LRRC4C: variants seen among roughly 807,000 people sequenced by gnomAD.
LRRC4C encodes leucine rich repeat containing 4C.
LRRC4C carries 5 observed loss-of-function variants against 33.6 expected under a neutral mutation model. The observed-to-expected ratio is 0.15, with a 90% CI of 0.08 to 0.31. The LOEUF (loss-of-function observed/expected upper bound fraction) is 0.31. LRRC4C is among the 10% of genes least tolerant of loss of function. The probability of loss-of-function intolerance (pLI) is 1.00; values close to 1 mark genes in which losing one functional copy is unlikely to be tolerated. For synonymous variants in LRRC4C, 329 were observed against 302.0 expected (o/e 1.09, Z -0.93); for missense variants, 560 against 796.7 (o/e 0.70, Z 3.58).
At chr11:40,392,878 G>A (rs1290682557) in intron 3 of LRRC4C, among the ~76,000 whole-genome samples, 2 of 151,858 alleles carry the variant, frequency 1.3e-5, no homozygotes, top group South Asian at 2.1e-4. Flanking sequence ...GAGTGCTCGC[G>A]AAATGCCCCG....
chr11:40,586,466 C>T (rs377537362), intron 3 of LRRC4C, among the ~76,000 whole-genome samples: 1 of 148,884 alleles, frequency 6.7e-6, no homozygotes, highest in Admixed American at 6.7e-5. Flanking sequence ...TGTGCAGAAG[C>T]TCTTTAGTTT....
chr11:40,670,157 A>C (rs1478511686), intron 2 of LRRC4C, among the ~76,000 whole-genome samples: 1 of 152,230 alleles, frequency 6.6e-6, no homozygotes, highest in East Asian at 1.9e-4. Flanking sequence ...TGTACATCTC[A>C]GGAGTGGAGA....
intron 2 of LRRC4C, among the ~76,000 whole-genome samples, chr11:40,657,078 T>G (rs1030598239): frequency 2.6e-5 from 4 of 152,202 alleles, no homozygotes; most frequent in African/African-American, 9.7e-5. Context: ...AATGTTTTAT[T>G]TCATATAATC....
chr11:40,348,007 A>AAGGGCC (rs1947212945), intron 3 of LRRC4C, among the ~76,000 whole-genome samples: 1 of 152,074 alleles, frequency 6.6e-6, no homozygotes, highest in Non-Finnish European at 1.5e-5. Context: ...AAAGGGAGAG[A>AAGGGCC]TATGACCAGT....
At chr11:41,265,639 A>C (rs1255338579) in intron 1 of LRRC4C, among the ~76,000 whole-genome samples, 1 of 152,136 alleles carries the variant, frequency 6.6e-6, no homozygotes, top group African/African-American at 2.4e-5. Flanking sequence ...GTTGCCAGAG[A>C]AGAAATATCA....
chr11:40,463,562 C>CA (rs971263634), intron 3 of LRRC4C, among the ~76,000 whole-genome samples: 1 of 152,116 alleles, frequency 6.6e-6, no homozygotes, highest in East Asian at 1.9e-4. Flanking sequence ...TCATTATCAA[C>CA]AAAAGGCTGG....
chr11:41,284,282 T>A (rs1172679585), intron 1 of LRRC4C, among the ~76,000 whole-genome samples: 1 of 152,240 alleles, frequency 6.6e-6, no homozygotes, highest in African/African-American at 2.4e-5. Flanking sequence ...ATGGAAACAC[T>A]TCTGTGAAAG....
intron 5 of LRRC4C, among the ~76,000 whole-genome samples, chr11:40,198,433 T>C (rs926730406): frequency 6.6e-6 from 1 of 152,236 alleles, no homozygotes; most frequent in African/African-American, 2.4e-5. Context: ...TGTTATGAGA[T>C]ATCCAGATAC....
intron 2 of LRRC4C, among the ~76,000 whole-genome samples, chr11:40,683,069 G>A (rs1232512966): frequency 2.0e-5 from 3 of 152,118 alleles, no homozygotes; most frequent in Non-Finnish European, 4.4e-5. Flanking sequence ...GATAACATAC[G>A]AGGAGAATAC....
chr11:41,124,170 C>T (rs1942621278), intron 1 of LRRC4C, among the ~76,000 whole-genome samples: 4 of 152,090 alleles, frequency 2.6e-5, no homozygotes, highest in Admixed American at 2.0e-4. Context: ...TCAGAGAGTG[C>T]TTGAACACAT....
intron 2 of LRRC4C, among the ~76,000 whole-genome samples, chr11:40,720,485 G>A (rs1258750077): frequency 6.6e-6 from 1 of 152,054 alleles, no homozygotes; most frequent in Non-Finnish European, 1.5e-5. Context: ...AGAGATATAA[G>A]TTCAAAAACG....
intron 1 of LRRC4C, among the ~76,000 whole-genome samples, chr11:41,327,373 C>G (rs902507704): frequency 6.6e-6 from 1 of 152,106 alleles, no homozygotes; most frequent in African/African-American, 2.4e-5. Flanking sequence ...AACTTTCTAC[C>G]TTCCTTTGAT....
rs548741514 is a variant in LRRC4C, at chr11:40,252,555, C to G, written c.-175-10957G>C. On this transcript the variant is annotated intron_variant, in intron 4 of 6. Coordinates refer to ENST00000528697, the MANE Select transcript of LRRC4C (RefSeq NM_001258419.2). ...CAAGAGAAGGCAAAAAATAAAAAGT[C>G]CTTTCTGAAAATATTTGCTACACTT... 9.2e-5 allele frequency among the ~76,000 whole-genome samples: 14 copies of G among 152,182 alleles called. No individual in the cohort carries two copies. In the East Asian group the frequency reaches 2.1e-3, roughly 23 times the overall value.
intron 3 of LRRC4C, among the ~76,000 whole-genome samples, chr11:40,618,797 G>GA (rs1962136912): frequency 6.6e-6 from 1 of 151,710 alleles, no homozygotes; most frequent in Non-Finnish European, 1.5e-5. Flanking sequence ...CTTCCACAGG[G>GA]AAAACGACAC....
chr11:40,706,608 T>G (rs1946180787), intron 2 of LRRC4C, among the ~76,000 whole-genome samples: 1 of 152,236 alleles, frequency 6.6e-6, no homozygotes, highest in Non-Finnish European at 1.5e-5. Context: ...TTTTGGTTAC[T>G]GTAGGCTTGC....
chr11:40,400,124 G>A (rs755504145), intron 3 of LRRC4C, among the ~76,000 whole-genome samples: 1 of 152,050 alleles, frequency 6.6e-6, no homozygotes, highest in Non-Finnish European at 1.5e-5. Flanking sequence ...GAGGAGAAAT[G>A]TATTTAAAAT....
intron 1 of LRRC4C, among the ~76,000 whole-genome samples, chr11:41,322,342 A>G (rs892144318): frequency 1.3e-5 from 2 of 151,942 alleles, no homozygotes; most frequent in African/African-American, 2.4e-5. Context: ...ACTAATTTGT[A>G]TAGGTTTACC....
chr11:40,877,644 C>T (rs59252341), intron 2 of LRRC4C, among the ~76,000 whole-genome samples: 7 of 152,270 alleles, frequency 4.6e-5, no homozygotes, highest in East Asian at 1.9e-4. Context: ...CTTCACCAAC[C>T]GTAAAGGGCT....
intron 1 of LRRC4C, among the ~76,000 whole-genome samples, chr11:41,151,253 C>T (rs1565429954): frequency 6.6e-6 from 1 of 152,180 alleles, no homozygotes; most frequent in Non-Finnish European, 1.5e-5. Flanking sequence ...TTCACACTAA[C>T]AAACAACATT....
Sources: gnomAD v4.1 joint callset for allele counts (sites outside exome capture counted in the v4.1 genomes callset) on GRCh38, gnomAD v4.1.1 for gene constraint, MANE v1.5 for transcripts, NCBI Gene and HGNC (gene_info 2026-07-23, HGNC 2026-07-21) for gene names.